The following NLE1 variants were observed in gnomAD, a reference collection of about 807,000 sequenced individuals.
NLE1 encodes the protein notchless homolog 1.
Under a neutral mutation model 62.8 loss-of-function variants are expected in NLE1, and 37 were observed. The ratio of observed to expected loss-of-function variants is 0.59; its 90% CI spans 0.45 to 0.78. The LOEUF (loss-of-function observed/expected upper bound fraction) is 0.78. Ranked by LOEUF, NLE1 falls within the 30% of genes least tolerant of loss-of-function variation. The probability of loss-of-function intolerance (pLI) is 0.00; values close to 1 mark genes in which losing one functional copy is unlikely to be tolerated. For synonymous variants in NLE1, 243 were observed against 253.0 expected (o/e 0.96, Z 0.37); for missense variants, 555 against 637.9 (o/e 0.87, Z 1.40).
At position 35,130,333 on chromosome 17, in the gene NLE1, C is replaced by T; in HGVS notation, c.*2104G>A. 2 of 1,614,146 alleles carry T rather than the reference C, an allele frequency of 1.2e-6. No individual in the cohort carries two copies. Among genetic ancestry groups the T allele is most frequent in the Non-Finnish European group, 1.7e-6 (2 of 1,179,998 alleles). On this transcript the variant is annotated 3_prime_UTR_variant, in exon 13 of 13. Coordinates refer to ENST00000442241, the MANE Select transcript of NLE1 (RefSeq NM_018096.5). ...CAGCTTTCCTGAGAACTACCCCATC[C>T]AGATCACCGTGCGGCGCAAGGAACC...
In NLE1 at chr17:35,133,327, G is replaced by C. The variant is rs763414532; in HGVS notation, c.1374+12C>G. On this transcript the variant is annotated intron_variant, in intron 11 of 12. Coordinates refer to ENST00000442241, the MANE Select transcript of NLE1 (RefSeq NM_018096.5). ...AATCCCAGTCCCTCCTTTGCCTGAG[G>C]GTTGGCCCTACCTCATCCGCGTGGC... 13 of 1,614,200 alleles carry C rather than the reference G, an allele frequency of 8.1e-6. No homozygotes were observed. The Middle Eastern group carries it at 4.9e-4, about 61-fold the overall frequency.
At chr17:35,132,581 C>T in intron 12 of NLE1, 132 bp from the exon 13 acceptor site, 1 of 763,174 alleles carries the variant, frequency 1.3e-6, no homozygotes, top group South Asian at 4.3e-5. Flanking sequence ...GTGACCGTCC[C>T]TGCTCTGCCC....
chr17:35,130,252 A>G lies in NLE1; in HGVS notation c.*2185T>C. On this transcript the variant is annotated 3_prime_UTR_variant, in exon 13 of 13. Coordinates refer to ENST00000442241, the MANE Select transcript of NLE1 (RefSeq NM_018096.5). ...GAGCCAGGTTCAGATCTGGGAAGGAACTCTGAAGGGTTTTCTTGTTTCACT... is the reference window on the plus strand; with the variant it reads ...GAGCCAGGTTCAGATCTGGGAAGGAGCTCTGAAGGGTTTTCTTGTTTCACT... 6.2e-7 allele frequency: 1 copy of G among 1,609,354 alleles called. No homozygotes were observed. Among genetic ancestry groups the G allele is most frequent in the Non-Finnish European group, 8.5e-7 (1 of 1,177,404 alleles).
Position 35,128,761 on chromosome 17 carries a change from T to G in NLE1, c.*3676A>C, listed in dbSNP as rs1221743096. The G allele has an allele frequency of 1.3e-5, 2 of 154,562 alleles. No homozygotes were observed. Among genetic ancestry groups the G allele is most frequent in the Non-Finnish European group, 2.9e-5 (2 of 69,718 alleles). 9.6% of individuals were successfully genotyped at this position (154,562 alleles called of 1,614,324 possible). On this transcript the variant is annotated 3_prime_UTR_variant, in exon 13 of 13. Coordinates refer to ENST00000442241, the MANE Select transcript of NLE1 (RefSeq NM_018096.5). ...GATGAGTCAAGCATATTACATTTAT[T>G]GTGTACTTTATTTCTATTATTATTA...
At chr17:35,141,406 T>C (rs1475881803) in intron 2 of NLE1, among the ~76,000 whole-genome samples, 1 of 151,412 alleles carries the variant, frequency 6.6e-6, no homozygotes, top group African/African-American at 2.4e-5. Flanking sequence ...ATTAGCTGGG[T>C]GTGGTGGCGC....
In NLE1 at chr17:35,129,899, C is replaced by G; in HGVS notation, c.*2538G>C. The stretch of plus-strand genomic sequence containing the variant: ...TTTTTCAACATCACTATAATGTTCC[C>G]CTTCCAAAGCCATTGGTTTTTAGAC... On this transcript the variant is annotated 3_prime_UTR_variant, in exon 13 of 13. Transcript: ENST00000442241. 7.2e-7 allele frequency: 1 copy of G among 1,397,658 alleles called. No homozygotes were observed. Among genetic ancestry groups the G allele is most frequent in the East Asian group, 2.7e-5 (1 of 37,562 alleles). 86.6% of individuals were successfully genotyped at this position (1,397,658 alleles called of 1,614,324 possible).
Position 35,130,794 on chromosome 17 carries a change from G to C in NLE1, c.*1643C>G. ...TGGGCTGGCTGGCACCCACCTCCTA[G>C]CTTCCACCAGGACAGAGTCTACATG... On this transcript the variant is annotated 3_prime_UTR_variant, in exon 13 of 13. Transcript: ENST00000442241. 1 of 215,946 alleles carries C rather than the reference G, an allele frequency of 4.6e-6. No individual in the cohort carries two copies. The highest frequency in any genetic ancestry group is 9.3e-6 in the Non-Finnish European group (1 of 107,100). 13.4% of individuals were successfully genotyped at this position (215,946 alleles called of 1,614,324 possible).
chr17:35,140,445 T>C (rs1162180049), intron 2 of NLE1, among the ~76,000 whole-genome samples: 4 of 151,656 alleles, frequency 2.6e-5, no homozygotes, highest in Non-Finnish European at 4.4e-5. Flanking sequence ...GCCAGGCTGG[T>C]CTCAAGCTCC....
At chr17:35,132,574 ACCGTCCCTG>A in intron 12 of NLE1, 125 bp from the exon 13 acceptor site, 1 of 848,320 alleles carries the variant, frequency 1.2e-6, no homozygotes, top group Non-Finnish European at 1.6e-6. Flanking sequence ...GAGCCAGGTG[ACCGTCCCTG>A]CTCTGCCCAC....
intron 5 of NLE1, 74 bp from the exon 6 acceptor site, chr17:35,137,714 T>TTCCCC: frequency 1.4e-5 from 17 of 1,212,266 alleles, no homozygotes; most frequent in Non-Finnish European, 2.1e-5. Context: ...GCCTACCACT[T>TTCCCC]CCCACCCAAC....
chr17:35,133,650 C>T (rs2091891302), intron 10 of NLE1, 152 bp from the exon 11 acceptor site: 6 of 688,734 alleles, frequency 8.7e-6, no homozygotes, highest in Admixed American at 2.9e-5. Flanking sequence ...GCCTGGTCCC[C>T]ATCCCAGACC....
intron 10 of NLE1, 51 bp from the exon 11 acceptor site, chr17:35,133,549 A>G (rs1300592737): frequency 8.5e-6 from 13 of 1,535,026 alleles, no homozygotes; most frequent in Non-Finnish European, 1.1e-5. Flanking sequence ...ACATCTTTCA[A>G]CACGTCTGAA....
chr17:35,142,262 A>T lies in NLE1; in HGVS notation c.14T>A (p.Val5Glu). 6.5e-7 allele frequency: 1 copy of T among 1,543,548 alleles called. No individual in the cohort carries two copies. The highest frequency in any genetic ancestry group is 2.4e-5 in the East Asian group (1 of 40,900). Residue 5 changes from valine (V) to glutamate (E), a missense_variant, in exon 1 of 13, where the codon GTG (valine) becomes GAG (glutamate). Physicochemically the swap from Val to Glu is moderately radical, Grantham distance 121. Coordinates refer to ENST00000442241, the MANE Select transcript of NLE1 (RefSeq NM_018096.5). MAAA[V>E]PDEAVARDVQ... ...CCCCCATCCACGCACACCCACCGGC[A>T]CTGCTGCCGCCATCCTGCGTCCCCA...
Position 35,133,217 on chromosome 17 carries a change from C to G in NLE1, c.1399G>C (p.Asp467His), listed in dbSNP as rs1208630115. 1.9e-6 allele frequency: 3 copies of G among 1,614,130 alleles called. No homozygotes were observed. Among genetic ancestry groups the G allele is most frequent in the African/African-American group, 2.7e-5 (2 of 74,930 alleles). Residue 467 changes from aspartate (D) to histidine (H), a missense_variant, in exon 12 of 13, where the codon GAT becomes CAT. Coordinates refer to ENST00000442241, the MANE Select transcript of NLE1 (RefSeq NM_018096.5). Reference protein sequence around the residue: ...DEVYAVDWSPDGQRVASGGKD... With the variant: ...DEVYAVDWSPHGQRVASGGKD... ...CCACCACTTGCCACTCTCTGGCCAT[C>G]TGGACTCCAGTCAACAGCATATACC...
At chr17:35,138,220 G>A (rs1443188602) in intron 4 of NLE1, among the ~76,000 whole-genome samples, 1 of 152,174 alleles carries the variant, frequency 6.6e-6, no homozygotes, top group African/African-American at 2.4e-5. Context: ...TTTTCCAGAT[G>A]AGAAAATTGA....
chr17:35,135,334 G>A lies in NLE1; in HGVS notation c.1129C>T (p.Gln377Ter). 1 of 1,614,186 alleles carries A rather than the reference G, an allele frequency of 6.2e-7. No homozygotes were observed. Among genetic ancestry groups the A allele is most frequent in the Non-Finnish European group, 8.5e-7 (1 of 1,180,030 alleles). ...CGGGAGTCAGGAGAGAAGAGCACCT[G>A]GTTGATGAGAGCTTGGTGTCCTGTC... ...RMTGHQALIN[Q>*]VLFSPDSRIV... The change falls in exon 10 of 13, where the codon CAG (glutamine) becomes TAG (stop). Residue 377 changes from glutamine (Q) to a stop codon, truncating the protein, a stop_gained. Transcript: ENST00000442241. LOFTEE classifies it high-confidence loss of function.
At position 35,129,841 on chromosome 17, in the gene NLE1, C is replaced by T. The variant is rs2091865807; in HGVS notation, c.*2596G>A. The T allele has an allele frequency of 6.3e-6, 9 of 1,427,578 alleles. No homozygotes were observed. The highest frequency in any genetic ancestry group is 8.2e-6 in the Non-Finnish European group (9 of 1,095,564). The allele number at this position is 1,427,578 out of a possible 1,614,324, so 88.4% of individuals were successfully genotyped here. On this transcript the variant is annotated 3_prime_UTR_variant, in exon 13 of 13. Transcript: ENST00000442241. Reference sequence around the variant, plus strand: ...TCTGGGAGGTTTAAGGATTAAGCCACTCTGGGGCCCACTAGGAATGCAAAC... The same window carrying T: ...TCTGGGAGGTTTAAGGATTAAGCCATTCTGGGGCCCACTAGGAATGCAAAC...
At chr17:35,142,208 G>A in intron 1 of NLE1, 50 bp downstream of exon 1, 1 of 1,575,310 alleles carries the variant, frequency 6.3e-7, no homozygotes, top group Non-Finnish European at 8.6e-7. Context: ...AGGGACCCGG[G>A]CCCTAGCGCC....
Position 35,132,838 on chromosome 17 carries a change from G to A in NLE1, c.1445+333C>T, listed in dbSNP as rs190464949. ...ACCAGGATTTGAACTCAGGTCTTGC[G>A]ACTCTGAAGTCTAGTGACAGAAAGA... is the stretch of plus-strand genomic sequence containing the variant. On this transcript the variant is annotated intron_variant, in intron 12 of 12. Transcript: ENST00000442241. 6.6e-5 allele frequency among the ~76,000 whole-genome samples: 10 copies of A among 152,308 alleles called. No individual in the cohort carries two copies. The East Asian group carries it at 1.5e-3, about 23-fold the overall frequency.
Sources: gnomAD v4.1 joint callset for allele counts (sites outside exome capture counted in the v4.1 genomes callset) on GRCh38, gnomAD v4.1.1 for gene constraint, MANE v1.5 for transcripts, NCBI Gene and HGNC (gene_info 2026-07-23, HGNC 2026-07-21) for gene names.